The following SCFD1 variants were observed in gnomAD, a reference collection of about 807,000 sequenced individuals.
The protein encoded by SCFD1 is sec1 family domain containing 1, also known as sec1 family domain-containing protein 1.
In SCFD1, 37 loss-of-function variants were observed where a neutral mutation model predicts 103.2. The ratio of observed to expected loss-of-function variants is 0.36; its 90% CI spans 0.28 to 0.47. SCFD1 has a LOEUF of 0.47. SCFD1 is among the 20% of genes least tolerant of loss of function. The pLI is 1.00. For synonymous variants in SCFD1, 264 were observed against 245.0 expected (o/e 1.08, Z -0.73); for missense variants, 639 against 761.2 (o/e 0.84, Z 1.89).
chr14:30,647,890 A>G (rs1885998230), intron 7 of SCFD1, among the ~76,000 whole-genome samples: 1 of 152,082 alleles, frequency 6.6e-6, no homozygotes, highest in African/African-American at 2.4e-5. Flanking sequence ...ACCTCAGGTG[A>G]TCCGCCCGCC....
intron 14 of SCFD1, among the ~76,000 whole-genome samples, chr14:30,692,832 A>G (rs769865804): frequency 5.9e-5 from 9 of 152,176 alleles, no homozygotes; most frequent in Non-Finnish European, 1.0e-4. Context: ...AGTTCCTAGT[A>G]TCATCATTGT....
chr14:30,662,080 T>C (rs1180847904), intron 10 of SCFD1, among the ~76,000 whole-genome samples: 3 of 152,178 alleles, frequency 2.0e-5, no homozygotes, highest in African/African-American at 7.2e-5. Flanking sequence ...AAGAAATAAT[T>C]GTGATTTACA....
intron 19 of SCFD1, among the ~76,000 whole-genome samples, chr14:30,711,802 T>G (rs987065614): frequency 3.3e-5 from 5 of 152,146 alleles, no homozygotes; most frequent in South Asian, 2.1e-4. Context: ...ATATGTGTAC[T>G]GAAATATTTA....
chr14:30,673,400 T>C, intron 12 of SCFD1, 53 bp downstream of exon 12: 1 of 960,792 alleles, frequency 1.0e-6, no homozygotes, highest in Non-Finnish European at 1.6e-6. Context: ...GATTATCTGT[T>C]AGATAAAGAG....
intron 15 of SCFD1, among the ~76,000 whole-genome samples, chr14:30,699,295 A>G (rs2139330417): frequency 6.6e-6 from 1 of 152,340 alleles, no homozygotes. Context: ...ATCAGTCATT[A>G]TGTTTTGAAG....
intron 1 of SCFD1, among the ~76,000 whole-genome samples, chr14:30,627,092 A>C (rs915055068): frequency 6.6e-6 from 1 of 152,224 alleles, no homozygotes; most frequent in Non-Finnish European, 1.5e-5. Context: ...AATTAAATCA[A>C]GAAATTACAA....
chr14:30,672,088 G>A (rs1356577384), intron 11 of SCFD1, among the ~76,000 whole-genome samples: 1 of 151,564 alleles, frequency 6.6e-6, no homozygotes, highest in Non-Finnish European at 1.5e-5. Context: ...CTTAATAAAT[G>A]TGAGCAATTA....
chr14:30,664,920 T>C (rs1223047512), intron 10 of SCFD1, among the ~76,000 whole-genome samples: 1 of 152,212 alleles, frequency 6.6e-6, no homozygotes, highest in Admixed American at 6.5e-5. Context: ...CTGCGTTTGA[T>C]TGGTGTACCT....
chr14:30,708,278 G>C (rs117721207), intron 19 of SCFD1, among the ~76,000 whole-genome samples: 13,126 of 151,986 alleles, frequency 0.086, 1,009 homozygotes, highest in African/African-American at 0.2. Flanking sequence ...TTGCTGCACA[G>C]ATCAGCCCAT....
intron 14 of SCFD1, among the ~76,000 whole-genome samples, chr14:30,694,467 T>C (rs1255820713): frequency 1.3e-5 from 2 of 151,812 alleles, no homozygotes; most frequent in African/African-American, 4.8e-5. Context: ...AGCTCAGGAG[T>C]TTAAGACCAG....
chr14:30,671,773 G>A (rs1004951819), intron 11 of SCFD1, among the ~76,000 whole-genome samples: 1 of 152,064 alleles, frequency 6.6e-6, no homozygotes, highest in East Asian at 1.9e-4. Flanking sequence ...TATTTCAGAA[G>A]GTTGTTGAGA....
intron 10 of SCFD1, among the ~76,000 whole-genome samples, chr14:30,667,260 T>A (rs1208165784): frequency 6.6e-6 from 1 of 152,138 alleles, no homozygotes; most frequent in Non-Finnish European, 1.5e-5. Flanking sequence ...CATATGCAAA[T>A]CAATAAACAT....
chr14:30,659,312 G>A (rs1470326276), intron 10 of SCFD1, among the ~76,000 whole-genome samples: 1 of 151,512 alleles, frequency 6.6e-6, no homozygotes. Flanking sequence ...ATAGGATCAT[G>A]TAATCAATTA....
chr14:30,715,924 A>C lies in SCFD1; in HGVS notation c.1630A>C (p.Asn544His), dbSNP rs1206471769. 1.3e-6 allele frequency: 2 copies of C among 1,530,890 alleles called. No individual in the cohort carries two copies. Among genetic ancestry groups the C allele is most frequent in the Non-Finnish European group, 1.8e-6 (2 of 1,121,930 alleles). The allele number at this position is 1,530,890 out of a possible 1,614,324, so 94.8% of individuals were successfully genotyped here. A position where few individuals can be genotyped will look rare whatever the true frequency, so the allele number is the denominator to read the frequency against. Residue 544 changes from asparagine (N) to histidine (H), a missense_variant and splice_region_variant, in exon 20 of 25, where the codon AAT (asparagine) becomes CAT (histidine). Coordinates refer to ENST00000458591, the MANE Select transcript of SCFD1 (RefSeq NM_016106.4). ...TATTTAACAAAATACTTTTCCACAG[A>C]ATCTACCTGTTACTCGTATTTTGGA... ...GVKNLVLKQQ[N>H]LPVTRILDNL...
At chr14:30,700,044 T>C in intron 15 of SCFD1, 144 bp from the exon 16 acceptor site, 1 of 611,950 alleles carries the variant, frequency 1.6e-6, no homozygotes. Context: ...TATAATTATA[T>C]GCCTGTTACC....
intron 5 of SCFD1, 133 bp downstream of exon 5, chr14:30,638,380 TAA>T (rs1884946767): frequency 2.2e-5 from 27 of 1,253,706 alleles, no homozygotes; most frequent in Non-Finnish European, 2.8e-5. Flanking sequence ...AATACTTTTA[TAA>T]AGAGTTCTGA....
At chr14:30,643,868 CT>C (rs766611572) in intron 7 of SCFD1, 2 of 429,718 alleles carry the variant, frequency 4.7e-6, no homozygotes, top group Non-Finnish European at 4.6e-6. Flanking sequence ...TTATTTTCAA[CT>C]TTTATTTTAG....
intron 14 of SCFD1, chr14:30,683,196 G>T: frequency 8.9e-7 from 1 of 1,121,456 alleles, no homozygotes; most frequent in Non-Finnish European, 1.3e-6. Context: ...GAGTGTTCTG[G>T]ATGGAGAGCA....
chr14:30,674,930 C>A, intron 13 of SCFD1, 54 bp from the exon 14 acceptor site: 1 of 1,069,688 alleles, frequency 9.3e-7, no homozygotes, highest in Non-Finnish European at 1.4e-6. Context: ...GAGATAAAGT[C>A]TATGTCATTT....
Sources: gnomAD v4.1 joint callset for allele counts (sites outside exome capture counted in the v4.1 genomes callset) on GRCh38, gnomAD v4.1.1 for gene constraint, MANE v1.5 for transcripts, NCBI Gene and HGNC (gene_info 2026-07-23, HGNC 2026-07-21) for gene names.